Variants in TTLL7 observed in about 807,000 individuals in gnomAD.
TTLL7 encodes the protein tubulin tyrosine ligase like 7.
Under a neutral mutation model 120.2 loss-of-function variants are expected in TTLL7, and 53 were observed. The observed-to-expected ratio is 0.44, with a 90% confidence interval of 0.35 to 0.55. TTLL7 has a LOEUF of 0.55. Among genes scored for constraint, TTLL7 ranks in the 20% least tolerant of loss-of-function variants. TTLL7 has a pLI of 0.00. For missense variants in TTLL7, 803 were observed against 1,054.7 expected, an observed-to-expected ratio of 0.76 and a Z score of 3.31; for synonymous variants, 353 against 351.7, an observed-to-expected ratio of 1.00 and a Z score of -0.04.
At chr1:83,931,856 T>A (rs972746718) in intron 9 of TTLL7, among the ~76,000 whole-genome samples, 1 of 152,184 alleles carries the variant, frequency 6.6e-6, no homozygotes, top group East Asian at 1.9e-4. Context: ...CTTATTCCAC[T>A]TGATGGCGCC....
At chr1:83,961,198 T>C (rs945140613) in intron 1 of TTLL7, among the ~76,000 whole-genome samples, 3 of 152,120 alleles carry the variant, frequency 2.0e-5, no homozygotes, top group African/African-American at 4.8e-5. Context: ...TGAGCTACCA[T>C]ATCAGGGAAA....
chr1:83,903,512 C>T (rs542185090), intron 18 of TTLL7, among the ~76,000 whole-genome samples: 145 of 152,112 alleles, frequency 9.5e-4, no homozygotes, highest in Non-Finnish European at 1.8e-3. Context: ...ATAGCAAAAT[C>T]CATGGATGCT....
At chr1:83,966,855 A>G (rs1650504809) in intron 1 of TTLL7, among the ~76,000 whole-genome samples, 2 of 152,060 alleles carry the variant, frequency 1.3e-5, no homozygotes, top group Non-Finnish European at 2.9e-5. Flanking sequence ...TGAAAGAAAA[A>G]CCCAGAAAAT....
Position 83,999,106 on chromosome 1 carries a change from C to T in TTLL7, c.-352G>A, listed in dbSNP as rs1418999908. On this transcript the variant is annotated 5_prime_UTR_variant, in exon 1 of 21. Coordinates refer to ENST00000260505, the MANE Select transcript of TTLL7 (RefSeq NM_024686.6). ...CCGTGGCAGCCACGGCTCGGGACTC[C>T]GGTGCTCGACGCGGAGTGCCTGGAA... is the stretch of plus-strand genomic sequence containing the variant. The T allele has an allele frequency of 2.3e-6, 1 of 439,510 alleles. No homozygotes were observed. The highest frequency in any genetic ancestry group is 4.5e-6 in the Non-Finnish European group (1 of 221,562). 27.2% of individuals were successfully genotyped at this position (439,510 alleles called of 1,614,324 possible).
chr1:83,889,742 G>A (rs2100724210), intron 19 of TTLL7, among the ~76,000 whole-genome samples: 1 of 152,112 alleles, frequency 6.6e-6, no homozygotes, highest in Non-Finnish European at 1.5e-5. Flanking sequence ...AAGTATGAAT[G>A]GAAACAAGCT....
chr1:83,877,117 T>C (rs1369464597), intron 20 of TTLL7, among the ~76,000 whole-genome samples: 2 of 152,012 alleles, frequency 1.3e-5, no homozygotes, highest in African/African-American at 4.8e-5. Flanking sequence ...TATTGAATTC[T>C]ATCAAGATTT....
At chr1:83,914,825 G>C (rs1335974217) in intron 14 of TTLL7, among the ~76,000 whole-genome samples, 2 of 152,054 alleles carry the variant, frequency 1.3e-5, no homozygotes, top group Non-Finnish European at 2.9e-5. Context: ...TCTTCTACTA[G>C]CCAATGAGGT....
chr1:83,944,354 A>T (rs1477468373), intron 6 of TTLL7, among the ~76,000 whole-genome samples: 1 of 152,200 alleles, frequency 6.6e-6, no homozygotes, highest in Non-Finnish European at 1.5e-5. Context: ...ATCAAGATAC[A>T]TTATATACAT....
chr1:83,972,591 A>G (rs1055949682), intron 1 of TTLL7, among the ~76,000 whole-genome samples: 6 of 151,900 alleles, frequency 3.9e-5, no homozygotes, highest in Non-Finnish European at 5.9e-5. Flanking sequence ...TAAGTTTTCA[A>G]CTCCTCTGGG....
intron 1 of TTLL7, among the ~76,000 whole-genome samples, chr1:83,960,339 G>T (rs1030439800): frequency 3.3e-5 from 5 of 152,166 alleles, no homozygotes; most frequent in African/African-American, 1.2e-4. Flanking sequence ...AATCTTAAGA[G>T]GATATTACAA....
In TTLL7 at chr1:83,937,487, GC is replaced by G. The variant is rs1236287366; in HGVS notation, c.888+364del. ...CAAAGTGGTGGAATTACAGGCGTGAGCCACTGTGCCCGGCCTAGTACAGTAA... is the reference window on the plus strand; with the variant it reads ...CAAAGTGGTGGAATTACAGGCGTGAGCACTGTGCCCGGCCTAGTACAGTAA... On this transcript the variant is annotated intron_variant, in intron 8 of 20. Transcript: ENST00000260505. 3.3e-5 allele frequency among the ~76,000 whole-genome samples: 5 copies of G among 152,314 alleles called. No individual in the cohort carries two copies. In the East Asian group the frequency reaches 5.8e-4, roughly 18 times the overall value.
chr1:83,951,864 G>A lies in TTLL7; in HGVS notation c.138C>T (p.Ala46=), dbSNP rs778235924. The A allele has an allele frequency of 1.1e-5, 18 of 1,607,932 alleles. No homozygotes were observed. Among genetic ancestry groups the A allele is most frequent in the Middle Eastern group, 1.7e-4 (1 of 6,048 alleles). ...ACCTACCAATTTCAAACTTTGTCCC[G>A]GCAACATTTGCTGTAATGGTTCCCT... ...KKKGTITANV[A]GTKFEIVRLV... The change falls in exon 3 of 21, where the codon GCC becomes GCT. Residue 46 remains alanine (A), a synonymous_variant. Coordinates refer to ENST00000260505, the MANE Select transcript of TTLL7 (RefSeq NM_024686.6).
chr1:83,983,193 A>T (rs1652131575), intron 1 of TTLL7, among the ~76,000 whole-genome samples: 1 of 152,034 alleles, frequency 6.6e-6, no homozygotes, highest in Non-Finnish European at 1.5e-5. Flanking sequence ...GTAACTGGGC[A>T]TGGTGGCGCA....
chr1:83,953,776 T>C (rs1649277607), intron 1 of TTLL7, among the ~76,000 whole-genome samples: 1 of 152,198 alleles, frequency 6.6e-6, no homozygotes, highest in Admixed American at 6.5e-5. Flanking sequence ...ATTCTAATTA[T>C]TCTATTCATT....
intron 19 of TTLL7, among the ~76,000 whole-genome samples, chr1:83,885,672 T>C (rs1654910914): frequency 6.6e-6 from 1 of 152,018 alleles, no homozygotes; most frequent in Non-Finnish European, 1.5e-5. Context: ...ACCTGCTTCA[T>C]CTGGCCCTAG....
intron 9 of TTLL7, among the ~76,000 whole-genome samples, chr1:83,931,240 A>G (rs1659572962): frequency 6.6e-6 from 1 of 151,984 alleles, no homozygotes. Context: ...ATTATTATAA[A>G]ATATATATTA....
At chr1:83,917,872 T>C (rs540823465) in intron 13 of TTLL7, among the ~76,000 whole-genome samples, 182 bp from the exon 14 acceptor site, 1 of 152,268 alleles carries the variant, frequency 6.6e-6, no homozygotes, top group East Asian at 1.9e-4. Context: ...TTCACTAAAA[T>C]CTGGCATTAT....
intron 20 of TTLL7, among the ~76,000 whole-genome samples, chr1:83,873,758 A>G (rs1327789601): frequency 6.6e-6 from 1 of 152,122 alleles, no homozygotes; most frequent in African/African-American, 2.4e-5. Context: ...GCTGACCAGG[A>G]GGATCTCTGG....
At chr1:83,933,828 T>A in intron 8 of TTLL7, 62 bp from the exon 9 acceptor site, 1 of 1,518,596 alleles carries the variant, frequency 6.6e-7, no homozygotes, top group Non-Finnish European at 8.9e-7. Context: ...TGTGCAAATA[T>A]AACCGGGGCC....
Sources: gnomAD v4.1 joint callset for allele counts (sites outside exome capture counted in the v4.1 genomes callset) on GRCh38, gnomAD v4.1.1 for gene constraint, MANE v1.5 for transcripts, NCBI Gene and HGNC (gene_info 2026-07-23, HGNC 2026-07-21) for gene names.